The following AADACL2 variants were observed in gnomAD, a reference collection of about 807,000 sequenced individuals.
AADACL2 encodes the protein arylacetamide deacetylase-like 2.
A neutral mutation model predicts 22.3 loss-of-function variants in AADACL2; 23 were observed. The observed-to-expected ratio is 1.03, with a 90% CI of 0.74 to 1.46. The LOEUF (loss-of-function observed/expected upper bound fraction) is 1.46. Ranked by LOEUF, AADACL2 falls within the 40% of genes most tolerant of loss-of-function variation. The probability of loss-of-function intolerance (pLI) is 0.00; values close to 1 mark genes in which losing one functional copy is unlikely to be tolerated. For synonymous variants in AADACL2, 177 were observed against 166.2 expected, an observed-to-expected ratio of 1.07 and a Z score of -0.50; for missense variants, 472 against 482.9, an observed-to-expected ratio of 0.98 and a Z score of 0.21.
intron 1 of AADACL2, among the ~76,000 whole-genome samples, chr3:151,739,608 C>T (rs1047272923): frequency 3.3e-5 from 5 of 152,220 alleles, no homozygotes; most frequent in Non-Finnish European, 5.9e-5. Context: ...TGAAGCTGCA[C>T]CCACAGCTTC....
In AADACL2 at chr3:151,757,657, T is replaced by G. The variant is rs1713985825; in HGVS notation, c.*63T>G. The G allele has an allele frequency of 1.3e-6, 2 of 1,505,820 alleles. No homozygotes were observed. The highest frequency in any genetic ancestry group is 2.1e-5 in the Admixed American group (1 of 46,938). 93.3% of individuals were successfully genotyped at this position (1,505,820 alleles called of 1,614,324 possible). ...TGTAATTTGTGATATTTTGTGGTTT[T>G]GGAGCAAAGAACAATGTCATTTGAG... On this transcript the variant is annotated 3_prime_UTR_variant, in exon 5 of 5. Transcript: ENST00000356517.
In AADACL2 at chr3:151,761,145, A is replaced by T. The variant is rs1714129148; in HGVS notation, c.*3551A>T. 1.1e-5 allele frequency: 1 copy of T among 93,032 alleles called. No individual in the cohort carries two copies. The highest frequency in any genetic ancestry group is 2.1e-5 in the Non-Finnish European group (1 of 46,742). 5.8% of individuals were successfully genotyped at this position (93,032 alleles called of 1,614,324 possible). On this transcript the variant is annotated 3_prime_UTR_variant, in exon 5 of 5. Coordinates refer to ENST00000356517, the MANE Select transcript of AADACL2 (RefSeq NM_207365.4). ...GAGATATATATTTATATATGGTGAG[A>T]TATATATATATATGGTGAGATATAT...
Position 151,759,869 on chromosome 3 carries a change from A to G in AADACL2, c.*2275A>G, listed in dbSNP as rs1484411165. Reference sequence around the variant, plus strand: ...TTTGTGTGGTGGCATGAGCATTGTGATCAAGCCATTAAGTTTGGAAACAAC... The same window carrying G: ...TTTGTGTGGTGGCATGAGCATTGTGGTCAAGCCATTAAGTTTGGAAACAAC... On this transcript the variant is annotated 3_prime_UTR_variant, in exon 5 of 5. Coordinates refer to ENST00000356517, the MANE Select transcript of AADACL2 (RefSeq NM_207365.4). 6.6e-6 allele frequency: 1 copy of G among 152,122 alleles called. No homozygotes were observed. Among genetic ancestry groups the G allele is most frequent in the African/African-American group, 2.4e-5 (1 of 41,444 alleles). The allele number at this position is 152,122 out of a possible 1,614,324, so 9.4% of individuals were successfully genotyped here. A position where few individuals can be genotyped will look rare whatever the true frequency, so the allele number is the denominator to read the frequency against.
At chr3:151,734,199 T>C (rs752157269) in intron 1 of AADACL2, 26 bp downstream of exon 1, 1 of 1,606,486 alleles carries the variant, frequency 6.2e-7, no homozygotes, top group Non-Finnish European at 8.5e-7. Flanking sequence ...ATTTTTTCTG[T>C]TGGAAATTGG....
rs139108548 is a variant in AADACL2 at position 151,751,225 on chromosome 3, A to G, written c.603+5545A>G. The stretch of plus-strand genomic sequence containing the variant: ...GCCCTGCTTAGAGATTATTATACTA[A>G]TTACTATGTAAAATTGCATAGCAGT... On this transcript the variant is annotated intron_variant, in intron 4 of 4. Coordinates refer to ENST00000356517, the MANE Select transcript of AADACL2 (RefSeq NM_207365.4). Among the ~76,000 whole-genome samples the G allele has an allele frequency of 3.3e-4, 50 of 152,292 alleles. No homozygotes were observed. The East Asian group carries it at 9.4e-3, about 29-fold the overall frequency.
chr3:151,739,217 TTTTG>T (rs1713194956), intron 1 of AADACL2, among the ~76,000 whole-genome samples: 1 of 152,184 alleles, frequency 6.6e-6, no homozygotes, highest in Admixed American at 6.5e-5. Context: ...TGTGGTTGCT[TTTTG>T]TTTGTTAGTT....
At chr3:151,744,633 G>T (rs1713381370) in intron 3 of AADACL2, among the ~76,000 whole-genome samples, 1 of 152,044 alleles carries the variant, frequency 6.6e-6, no homozygotes, top group African/African-American at 2.4e-5. Flanking sequence ...AATTTGTGTT[G>T]TTCTTTGTCC....
Position 151,745,586 on chromosome 3 carries a change from A to G in AADACL2, c.509A>G (p.Glu170Gly). ...GCTGCAGTCAAATTTTTTCTTTTGG[A>G]AAAAATTCTTACAAAATATGGAGTG... Reference protein sequence around the residue: ...GLAAVKFFLLEKILTKYGVDP... With the variant: ...GLAAVKFFLLGKILTKYGVDP... The change falls in exon 4 of 5, where the codon GAA becomes GGA. Residue 170 changes from glutamate (E) to glycine (G), a missense_variant. By Grantham distance (98) the Glu-to-Gly change is moderately conservative. Coordinates refer to ENST00000356517, the MANE Select transcript of AADACL2 (RefSeq NM_207365.4). 1 of 1,613,760 alleles carries G rather than the reference A, an allele frequency of 6.2e-7. No individual in the cohort carries two copies. Among genetic ancestry groups the G allele is most frequent in the Non-Finnish European group, 8.5e-7 (1 of 1,179,842 alleles).
chr3:151,756,124 A>G (rs73164691), intron 4 of AADACL2, among the ~76,000 whole-genome samples: 9,496 of 152,044 alleles, frequency 0.062, 344 homozygotes, highest in Middle Eastern at 0.082. Flanking sequence ...TGAGCTTTTC[A>G]CTTGTAGCAG....
In AADACL2 at chr3:151,749,255, T is replaced by C. The variant is rs112592018; in HGVS notation, c.603+3575T>C. Among the ~76,000 whole-genome samples the C allele has an allele frequency of 6.9e-3, 954 of 137,914 alleles. 12 individuals are homozygous for C. The highest frequency in any genetic ancestry group is 0.025 in the African/African-American group (909 of 36,198). 90.5% of individuals were successfully genotyped at this position (137,914 alleles called of 152,430 possible). On this transcript the variant is annotated intron_variant, in intron 4 of 4. Coordinates refer to ENST00000356517, the MANE Select transcript of AADACL2 (RefSeq NM_207365.4). ...TGTATAGATCTTTCTACCTCCTTGG[T>C]TAAATTTATTCCTGGTGTTTTTTAT...
In AADACL2 at chr3:151,734,212, T is replaced by A. The variant is rs1374199851; in HGVS notation, c.138+39T>A. 3.8e-6 allele frequency: 6 copies of A among 1,594,054 alleles called. No homozygotes were observed. In the Admixed American group the frequency reaches 8.7e-5, roughly 23 times the overall value. ...TTATTTTTTCTGTTGGAAATTGGGA[T>A]GACTTATTGACTAAAAATGGGTGCT... On this transcript the variant is annotated intron_variant, in intron 1 of 4. Transcript: ENST00000356517.
At chr3:151,737,190 G>A (rs914655776) in intron 1 of AADACL2, among the ~76,000 whole-genome samples, 5 of 152,074 alleles carry the variant, frequency 3.3e-5, no homozygotes, top group African/African-American at 4.8e-5. Context: ...AAAGAACTTC[G>A]TTATTTCTGC....
intron 3 of AADACL2, 59 bp from the exon 4 acceptor site, chr3:151,745,450 T>C: frequency 6.6e-7 from 1 of 1,509,588 alleles, no homozygotes; most frequent in Non-Finnish European, 9.0e-7. Context: ...ATCTATTTGG[T>C]ATTTGAGAAT....
chr3:151,749,623 C>T (rs1713588068), intron 4 of AADACL2, among the ~76,000 whole-genome samples: 2 of 152,202 alleles, frequency 1.3e-5, no homozygotes, highest in South Asian at 4.2e-4. Context: ...GCTGGGACTA[C>T]AGGCACCCGC....
Position 151,756,980 on chromosome 3 carries a change from A to G in AADACL2, c.604-12A>G, listed in dbSNP as rs180742060. The G allele has an allele frequency of 1.9e-3, 2,973 of 1,576,470 alleles. 5 individuals are homozygous for G. The highest frequency in any genetic ancestry group is 2.0e-3 in the Non-Finnish European group (2,383 of 1,166,580). ...AATGTTTGCATTACAGAATATTACC[A>G]TATATTTTCAGGTGCAGAATGATGC... On this transcript the variant is annotated splice_polypyrimidine_tract_variant and intron_variant, in intron 4 of 4. Coordinates refer to ENST00000356517, the MANE Select transcript of AADACL2 (RefSeq NM_207365.4).
At position 151,734,111 on chromosome 3, in the gene AADACL2, A is replaced by G; in HGVS notation, c.76A>G (p.Asn26Asp). The G allele has an allele frequency of 6.2e-7, 1 of 1,613,680 alleles. No individual in the cohort carries two copies. The highest frequency in any genetic ancestry group is 8.5e-7 in the Non-Finnish European group (1 of 1,179,810). Residue 26 changes from asparagine (N) to aspartate (D), a missense_variant, in exon 1 of 5, where the codon AAC becomes GAC. By Grantham distance (23) the Asn-to-Asp change is conservative. Transcript: ENST00000356517. ...VSHFYTPMPD[N>D]IEESWKIMAL... The stretch of plus-strand genomic sequence containing the variant: ...TCATTTTTACACACCCATGCCAGAC[A>G]ACATTGAAGAAAGCTGGAAAATAAT...
intron 4 of AADACL2, among the ~76,000 whole-genome samples, chr3:151,746,538 T>C (rs1182792192): frequency 1.3e-5 from 2 of 151,936 alleles, no homozygotes; most frequent in East Asian, 3.8e-4. Flanking sequence ...TTGGAGGAAA[T>C]TTTTCAATAT....
chr3:151,743,004 T>C (rs1406762300), intron 2 of AADACL2, among the ~76,000 whole-genome samples: 5 of 152,142 alleles, frequency 3.3e-5, no homozygotes, highest in African/African-American at 1.2e-4. Context: ...CTGCAGATTT[T>C]TTTTTTAATA....
intron 4 of AADACL2, among the ~76,000 whole-genome samples, chr3:151,752,512 G>A (rs375333896): frequency 4.1e-4 from 63 of 152,272 alleles, no homozygotes; most frequent in Middle Eastern, 3.4e-3. Flanking sequence ...TGGTCACAAC[G>A]ATCTGGATGA....
Sources: allele counts gnomAD v4.1 joint callset (sites outside exome capture counted in the v4.1 genomes callset), GRCh38; gene constraint gnomAD v4.1.1; transcripts MANE v1.5; gene names NCBI Gene and HGNC (gene_info 2026-07-23, HGNC 2026-07-21).